HPRT1: variants seen among roughly 807,000 people sequenced by gnomAD.
HPRT1 encodes the protein hypoxanthine-guanine phosphoribosyltransferase.
A neutral mutation model predicts 19.0 loss-of-function variants in HPRT1; 4 were observed. That is an observed-to-expected ratio of 0.21 (90% confidence interval 0.10 to 0.48). The LOEUF (loss-of-function observed/expected upper bound fraction) is 0.48. Ranked by LOEUF, HPRT1 falls within the 20% of genes least tolerant of loss-of-function variation. The pLI, the probability that HPRT1 is intolerant of heterozygous loss-of-function variation, is 0.98. For synonymous variants in HPRT1, 53 were observed against 54.9 expected, an observed-to-expected ratio of 0.97 and a Z score of 0.15; for missense variants, 65 against 164.0, an observed-to-expected ratio of 0.40 and a Z score of 3.30.
chrX:134,495,197 G>GAA (rs56037049), intron 6 of HPRT1, among the ~76,000 whole-genome samples: 6 of 67,549 alleles, frequency 8.9e-5, no homozygotes, highest in East Asian at 4.4e-4. Context: ...CCCTGTCTCA[G>GAA]AAAAAAAAAA....
intron 6 of HPRT1, among the ~76,000 whole-genome samples, chrX:134,497,876 G>A (rs1185917342): frequency 2.7e-5 from 3 of 109,203 alleles, no homozygotes; most frequent in Non-Finnish European, 3.8e-5. Flanking sequence ...GAACCCAGGA[G>A]GCAGAGCTTG....
intron 1 of HPRT1, among the ~76,000 whole-genome samples, chrX:134,461,883 C>CA (rs2077585091): frequency 8.9e-6 from 1 of 111,829 alleles, no homozygotes; most frequent in African/African-American, 3.3e-5. Flanking sequence ...AATAGGTACT[C>CA]AAAAAAATGG....
At chrX:134,482,902 T>TAA (rs2077643768) in intron 3 of HPRT1, among the ~76,000 whole-genome samples, 1 of 110,545 alleles carries the variant, frequency 9.0e-6, no homozygotes, top group Admixed American at 9.7e-5. Context: ...GATCAGGGTA[T>TAA]AGAAAAACAG....
chrX:134,499,799 G>A (rs1288979239), intron 8 of HPRT1, among the ~76,000 whole-genome samples: 1 of 108,877 alleles, frequency 9.2e-6, no homozygotes, highest in Admixed American at 9.7e-5. Flanking sequence ...GCAAGACTCC[G>A]TCTCAAAAAA....
At chrX:134,477,896 G>A (rs915570525) in intron 3 of HPRT1, among the ~76,000 whole-genome samples, 6 of 110,838 alleles carry the variant, frequency 5.4e-5, no homozygotes, top group East Asian at 2.8e-4. Context: ...GGCTGATCCC[G>A]AACTCCTGGG....
At chrX:134,465,391 G>C (rs1474948050) in intron 1 of HPRT1, among the ~76,000 whole-genome samples, 1 of 110,970 alleles carries the variant, frequency 9.0e-6, no homozygotes, top group Non-Finnish European at 1.9e-5. Flanking sequence ...TTACATGAAG[G>C]CCATTATTAC....
chrX:134,475,469 A>T, intron 3 of HPRT1, 105 bp downstream of exon 3: 1 of 529,767 alleles, frequency 1.9e-6, no homozygotes, highest in South Asian at 3.1e-5. Context: ...ACTTGGTTAC[A>T]GTGAGATTTT....
chrX:134,479,397 G>A (rs1446204222), intron 3 of HPRT1, among the ~76,000 whole-genome samples: 2 of 109,589 alleles, frequency 1.8e-5, no homozygotes, highest in Non-Finnish European at 3.8e-5. Flanking sequence ...GGCCCCCCGA[G>A]TAGCTGGGAT....
chrX:134,489,612 T>C (rs1313404586), intron 4 of HPRT1, among the ~76,000 whole-genome samples: 7 of 111,722 alleles, frequency 6.3e-5, no homozygotes, highest in Non-Finnish European at 1.3e-4. Flanking sequence ...TGTTAAGGAC[T>C]CTTCCAGCTA....
intron 1 of HPRT1, among the ~76,000 whole-genome samples, chrX:134,466,039 T>A (rs2077596102): frequency 9.2e-6 from 1 of 109,058 alleles, no homozygotes; most frequent in African/African-American, 3.4e-5. Context: ...GTGATGGTAT[T>A]TGGAGACAGG....
chrX:134,468,164 G>A (rs2077601886), intron 1 of HPRT1, among the ~76,000 whole-genome samples: 1 of 110,221 alleles, frequency 9.1e-6, no homozygotes, highest in Non-Finnish European at 1.9e-5. Flanking sequence ...TCATGTACAT[G>A]TCATGCCATC....
chrX:134,491,378 A>G (rs1240127935), intron 5 of HPRT1, among the ~76,000 whole-genome samples: 2 of 111,307 alleles, frequency 1.8e-5, no homozygotes, highest in Admixed American at 9.7e-5. Context: ...AATTGTATGG[A>G]TAGACAGGTG....
chrX:134,461,355 G>A (rs1467095041), intron 1 of HPRT1, among the ~76,000 whole-genome samples: 1 of 112,137 alleles, frequency 8.9e-6, no homozygotes, highest in Non-Finnish European at 1.9e-5. Flanking sequence ...ATGGTTTGTT[G>A]AATGAATACA....
At chrX:134,481,497 CTG>C (rs2077639495) in intron 3 of HPRT1, among the ~76,000 whole-genome samples, 13 of 96,427 alleles carry the variant, frequency 1.3e-4, no homozygotes, top group Admixed American at 1.1e-3. Context: ...CTATCTCTAT[CTG>C]TCTATCTCTA....
intron 3 of HPRT1, among the ~76,000 whole-genome samples, chrX:134,485,004 C>A (rs926162381): frequency 2.7e-5 from 3 of 111,507 alleles, no homozygotes; most frequent in African/African-American, 9.8e-5. Flanking sequence ...GTATACTTGT[C>A]AGTGTTTTTG....
chrX:134,472,168 C>G (rs2077612034), intron 1 of HPRT1, among the ~76,000 whole-genome samples: 3 of 109,939 alleles, frequency 2.7e-5, no homozygotes, highest in Admixed American at 9.8e-5. Context: ...GGGACGGGGT[C>G]TTGCTACATT....
chrX:134,462,062 C>A (rs1002728297), intron 1 of HPRT1, among the ~76,000 whole-genome samples: 1 of 111,926 alleles, frequency 8.9e-6, no homozygotes, highest in Non-Finnish European at 1.9e-5. Context: ...CCTCGACTTC[C>A]CGGGCTCGGG....
At chrX:134,487,049 T>C (rs1311218207) in intron 4 of HPRT1, among the ~76,000 whole-genome samples, 1 of 110,953 alleles carries the variant, frequency 9.0e-6, no homozygotes, top group African/African-American at 3.3e-5. Context: ...GCCATAGAGT[T>C]AAGAGGATTA....
intron 5 of HPRT1, among the ~76,000 whole-genome samples, chrX:134,492,030 T>TACACACACACACACACACACACACAC (rs2077668420): frequency 1.0e-5 from 1 of 98,715 alleles, no homozygotes; most frequent in African/African-American, 3.8e-5. Context: ...TACATATATA[T>TACACACACACACACACACACACACAC]ATATACACAC....
Sources: gnomAD v4.1 joint callset for allele counts (sites outside exome capture counted in the v4.1 genomes callset) on GRCh38, gnomAD v4.1.1 for gene constraint, MANE v1.5 for transcripts, NCBI Gene and HGNC (gene_info 2026-07-23, HGNC 2026-07-21) for gene names.